LIME1: variants seen among roughly 807,000 people sequenced by gnomAD.
The protein encoded by LIME1 is Lck interacting transmembrane adaptor 1, also known as lck-interacting transmembrane adapter 1.
Under a neutral mutation model 18.8 loss-of-function variants are expected in LIME1, and 23 were observed. The observed-to-expected ratio is 1.22, with a 90% CI of 0.88 to 1.73. LIME1 has a LOEUF of 1.73. LIME1 is among the 40% of genes most tolerant of loss of function. The probability of loss-of-function intolerance (pLI) is 0.00; values close to 1 mark genes in which losing one functional copy is unlikely to be tolerated. For missense variants in LIME1, 423 were observed against 396.8 expected (o/e 1.07, Z -0.56); for synonymous variants, 177 against 182.3 (o/e 0.97, Z 0.23).
chr20:63,736,477 GAGTT>G (rs1032952009), upstream of LIME1: 15 of 319,446 alleles, frequency 4.7e-5, no homozygotes, highest in African/African-American at 2.5e-4. Context: ...GAGGGGTTGT[GAGTT>G]AGGCTGTCAG....
upstream of LIME1, chr20:63,735,881 A>G (rs2091985151): frequency 1.9e-6 from 3 of 1,612,814 alleles, no homozygotes; most frequent in Admixed American, 3.3e-5. Context: ...GCAGGAGCAG[A>G]GGAAGGCAGA....
rs775414822 is a variant in LIME1 at position 63,737,855 on chromosome 20, C to T, written c.133C>T (p.Arg45Trp). The stretch of plus-strand genomic sequence containing the variant: ...CGCTGTAGCCCCCAGGAAGAGGGCG[C>T]GGAGGCAGCGGGCGAGGCTGCAGGG... ...EDAVAPRKRA[R>W]RQRARLQGSA... Residue 45 changes from arginine to tryptophan, a missense_variant, in exon 3 of 6, where the codon CGG (arginine) becomes TGG (tryptophan). Transcript: ENST00000309546. The T allele has an allele frequency of 1.0e-5, 16 of 1,561,144 alleles. No individual in the cohort carries two copies. The East Asian group carries it at 2.6e-4, about 25-fold the overall frequency.
upstream of LIME1, chr20:63,736,647 G>C: frequency 1.8e-5 from 18 of 986,010 alleles, no homozygotes; most frequent in Non-Finnish European, 2.2e-5. Flanking sequence ...GAGCTCAGCC[G>C]AGGGCTGCAC....
upstream of LIME1, chr20:63,736,517 G>A (rs972290323): frequency 1.6e-5 from 10 of 643,986 alleles, no homozygotes; most frequent in African/African-American, 7.9e-5. Flanking sequence ...AGGCGCACAC[G>A]TTTCATCTAG....
At chr20:63,737,388 C>G in intron 1 of LIME1, 145 bp from the exon 2 acceptor site, 1 of 1,344,100 alleles carries the variant, frequency 7.4e-7, no homozygotes, top group Non-Finnish European at 9.5e-7. Flanking sequence ...GGAGGGACTG[C>G]CAGGCCTTGG....
chr20:63,737,664 C>T lies in LIME1; in HGVS notation c.98+17C>T, dbSNP rs768334260. On this transcript the variant is annotated intron_variant, in intron 2 of 5. Coordinates refer to ENST00000309546, the MANE Select transcript of LIME1 (RefSeq NM_017806.4). ...CTGCCGCAGGTAGGTCCCTCAGCCG[C>T]GTTCTGTCTGGGGCCTCGCTGCGGC... The T allele has an allele frequency of 6.4e-7, 1 of 1,560,558 alleles. No homozygotes were observed. The highest frequency in any genetic ancestry group is 8.7e-7 in the Non-Finnish European group (1 of 1,155,818).
chr20:63,736,779 T>C, intron 1 of LIME1, 67 bp downstream of exon 1: 3 of 985,502 alleles, frequency 3.0e-6, no homozygotes, highest in South Asian at 4.7e-5. Flanking sequence ...GCTGGGTCAG[T>C]CAGCCAGGCT....
At chr20:63,736,997 G>A in intron 1 of LIME1, 1 of 985,918 alleles carries the variant, frequency 1.0e-6, no homozygotes, top group Non-Finnish European at 1.2e-6. Flanking sequence ...TGGGGTGGGG[G>A]CATCAGCACC....
upstream of LIME1, chr20:63,735,762 C>T (rs1421440294): frequency 1.9e-6 from 3 of 1,582,392 alleles, no homozygotes; most frequent in Non-Finnish European, 2.6e-6. Flanking sequence ...CCCACGCTGA[C>T]TAGTGAGCCC....
chr20:63,738,310 T>G lies in LIME1; in HGVS notation c.396T>G (p.Ala132=), dbSNP rs768880761. 1 of 1,564,368 alleles carries G rather than the reference T, an allele frequency of 6.4e-7. No individual in the cohort carries two copies. The highest frequency in any genetic ancestry group is 8.6e-7 in the Non-Finnish European group (1 of 1,158,642). The change falls in exon 5 of 6, where the codon GCT becomes GCG. Residue 132 remains alanine, a synonymous_variant. Coordinates refer to ENST00000309546, the MANE Select transcript of LIME1 (RefSeq NM_017806.4). ...HQELPRALPA[A]AATAGCAGLE... ...AGCTGCCCCGGGCTCTGCCGGCAGCTGCAGCCACCGCAGGGTGCGCTGGCC... is the reference window on the plus strand; with the variant it reads ...AGCTGCCCCGGGCTCTGCCGGCAGCGGCAGCCACCGCAGGGTGCGCTGGCC...
At chr20:63,735,795 C>G, upstream of LIME1, 4 of 1,607,374 alleles carry the variant, frequency 2.5e-6, no homozygotes, top group Non-Finnish European at 3.4e-6. Flanking sequence ...AGCGTGGCGT[C>G]AGCCCAGCTG....
chr20:63,737,373 G>C, intron 1 of LIME1, 160 bp from the exon 2 acceptor site: 2 of 1,342,990 alleles, frequency 1.5e-6, no homozygotes, highest in Admixed American at 3.7e-5. Context: ...GGGCACCTCT[G>C]GGAGGGAGGG....
chr20:63,736,894 T>G, intron 1 of LIME1, 182 bp downstream of exon 1: 1 of 985,814 alleles, frequency 1.0e-6, no homozygotes, highest in Non-Finnish European at 1.2e-6. Flanking sequence ...TTGTAAGGCA[T>G]CCCCCACCCC....
rs760805241 is a variant in LIME1, at chr20:63,738,868, G to A, written c.856G>A (p.Gly286Ser). 1.1e-5 allele frequency: 18 copies of A among 1,609,128 alleles called. No homozygotes were observed. The African/African-American group carries it at 1.9e-4, about 17-fold the overall frequency. ...TTCCAGCTGCCCCAGCCTAGGGAGG[G>A]GCTGGAGACCCCTCCCTGCCTCCCT... ...PASSCPSLGR[G>S]WRPLPASLP Residue 286 changes from glycine to serine, a missense_variant, in exon 6 of 6, where the codon GGC becomes AGC. Transcript: ENST00000309546.
chr20:63,737,618 G>T lies in LIME1; in HGVS notation c.69G>T (p.Ser23=). 1.9e-6 allele frequency: 3 copies of T among 1,599,892 alleles called. No homozygotes were observed. The highest frequency in any genetic ancestry group is 1.1e-5 in the South Asian group (1 of 88,856). The stretch of plus-strand genomic sequence containing the variant: ...TAGGGTGCTGCGCCCTGCTCCTCTC[G>T]CTGTGGGCGCTGTGCACAGCCTGCC... The part of the protein sequence containing the change: ...WVLGCCALLL[S]LWALCTACRR... The change falls in exon 2 of 6, where the codon TCG becomes TCT. Residue 23 remains serine (S), a synonymous_variant. Coordinates refer to ENST00000309546, the MANE Select transcript of LIME1 (RefSeq NM_017806.4).
chr20:63,737,999 C>A lies in LIME1; in HGVS notation c.207C>A (p.Cys69Ter), dbSNP rs865851345. 6.4e-7 allele frequency: 1 copy of A among 1,571,332 alleles called. No homozygotes were observed. The change falls in exon 4 of 6, where the codon TGC (cysteine) becomes TGA (stop). Residue 69 changes from cysteine to a stop codon, truncating the protein, a stop_gained. Transcript: ENST00000309546. LOFTEE classifies it high-confidence loss of function. Reference sequence around the variant, plus strand: ...CCCTACTGAGGCGGACCCACCTCTGCTCCCTCAGCAAGTCGGACACCAGAC... The same window carrying A: ...CCCTACTGAGGCGGACCCACCTCTGATCCCTCAGCAAGTCGGACACCAGAC... ...EASLLRRTHLCSLSKSDTRLH... is the reference protein window; with the variant it reads ...EASLLRRTHL
rs1358562432 is a variant in LIME1, at chr20:63,738,864, G to A, written c.852G>A (p.Gly284=). ...CTGCTTCCAGCTGCCCCAGCCTAGG[G>A]AGGGGCTGGAGACCCCTCCCTGCCT... ...TPPASSCPSL[G]RGWRPLPASL... is the part of the protein sequence containing the mutation. Residue 284 remains glycine, a synonymous_variant, in exon 6 of 6, where the codon GGG becomes GGA. Transcript: ENST00000309546. The A allele has an allele frequency of 5.6e-6, 9 of 1,609,534 alleles. No homozygotes were observed. Among genetic ancestry groups the A allele is most frequent in the East Asian group, 2.2e-5 (1 of 44,698 alleles).
chr20:63,737,787 A>AGGG, intron 2 of LIME1, 34 bp from the exon 3 acceptor site: 126 of 1,321,934 alleles, frequency 9.5e-5, no homozygotes, highest in Middle Eastern at 2.7e-4. Flanking sequence ...GAGGCTGACG[A>AGGG]CCCCGCCCCC....
rs1555832670 is a variant in LIME1, at chr20:63,738,073, C to CGGGGCA, written c.268+18_268+19insAGGGGC. ...CGCAGCAGCAGGGGTGAGCAGAGGG[C>CGGGGCA]GGGGCGGGGGCGGCCGGGCGGGGCT... On this transcript the variant is annotated intron_variant, in intron 4 of 5. Coordinates refer to ENST00000309546, the MANE Select transcript of LIME1 (RefSeq NM_017806.4). The CGGGGCA allele has an allele frequency of 2.0e-4, 278 of 1,425,198 alleles. No homozygotes were observed. The highest frequency in any genetic ancestry group is 2.5e-4 in the Non-Finnish European group (265 of 1,053,762). 88.3% of individuals were successfully genotyped at this position (1,425,198 alleles called of 1,614,324 possible). A position where few individuals can be genotyped will look rare whatever the true frequency, so the allele number is the denominator to read the frequency against.
Sources: gnomAD v4.1 joint callset for allele counts on GRCh38, gnomAD v4.1.1 for gene constraint, MANE v1.5 for transcripts, NCBI Gene and HGNC (gene_info 2026-07-23, HGNC 2026-07-21) for gene names.